RHOU: variants seen among roughly 807,000 people sequenced by gnomAD.
The protein encoded by RHOU is rho-related GTP-binding protein RhoU.
Under a neutral mutation model 12.6 loss-of-function variants are expected in RHOU, and 8 were observed. The observed-to-expected ratio is 0.64, with a 90% CI of 0.37 to 1.15. The LOEUF (loss-of-function observed/expected upper bound fraction) is 1.15. Among genes scored for constraint, RHOU ranks in the 50% most tolerant of loss-of-function variants. The pLI is 0.01. For missense variants in RHOU, 258 were observed against 347.0 expected, an observed-to-expected ratio of 0.74 and a Z score of 2.04; for synonymous variants, 161 against 147.4, an observed-to-expected ratio of 1.09 and a Z score of -0.67.
At chr1:228,659,959 A>C in the RHOU span, among the ~76,000 whole-genome samples, 1 of 106,700 alleles carries the variant, frequency 9.4e-6, no homozygotes. Flanking sequence ...TCTCTACAAA[A>C]AAAAAACAAA....
At chr1:228,678,433 T>G in the RHOU span, among the ~76,000 whole-genome samples, 1 of 152,198 alleles carries the variant, frequency 6.6e-6, no homozygotes, top group Non-Finnish European at 1.5e-5. Context: ...GAAGGCTAGC[T>G]GCTTCTTTAG....
the RHOU span, among the ~76,000 whole-genome samples, chr1:228,668,536 G>A: frequency 2.6e-5 from 4 of 152,190 alleles, no homozygotes; most frequent in African/African-American, 9.7e-5. Flanking sequence ...GAAATGGTCG[G>A]TGAGGGCAAA....
chr1:228,743,658 C>T lies in RHOU; in HGVS notation c.695C>T (p.Pro232Leu). The T allele has an allele frequency of 6.2e-7, 1 of 1,614,138 alleles. No individual in the cohort carries two copies. Among genetic ancestry groups the T allele is most frequent in the Non-Finnish European group, 8.5e-7 (1 of 1,180,038 alleles). Residue 232 changes from proline (P) to leucine (L), a missense_variant, in exon 3 of 3, where the codon CCA (proline) becomes CTA (leucine). By Grantham distance (98) the Pro-to-Leu change is moderately conservative. Transcript: ENST00000366691. This position sits in a 1 kb window ranked among gnomAD's most constrained non-coding sequence, Gnocchi z 5.1. Reference protein sequence around the residue: ...GIQYSDTQQQPKKSKSRTPDK... With the variant: ...GIQYSDTQQQLKKSKSRTPDK... ...CAATACTCGGACACTCAGCAACAGC[C>T]AAAGAAGTCTAAAAGCAGGACTCCA...
At chr1:228,668,088 C>A in the RHOU span, among the ~76,000 whole-genome samples, 1 of 152,106 alleles carries the variant, frequency 6.6e-6, no homozygotes, top group Non-Finnish European at 1.5e-5. Flanking sequence ...TCAATCATAC[C>A]TATGTAATGG....
the RHOU span, among the ~76,000 whole-genome samples, chr1:228,683,638 A>T: frequency 0.02 from 3,079 of 152,354 alleles, 106 homozygotes; most frequent in African/African-American, 0.07. Flanking sequence ...AGCATAATTT[A>T]AAAAATTTCT....
Position 228,743,476 on chromosome 1 carries a change from C to G in RHOU, c.513C>G (p.Val171=), listed in dbSNP as rs1483542798. The change falls in exon 3 of 3, where the codon GTC becomes GTG. Residue 171 remains valine (V), a synonymous_variant. Transcript: ENST00000366691. This position sits in a 1 kb window ranked among gnomAD's most constrained non-coding sequence, Gnocchi z 5.1. The part of the protein sequence containing the change: ...TQSDLREDVK[V]LIELDKCKEK... ...CGGATCTCAGAGAAGATGTCAAAGT[C>G]CTCATTGAGTTGGACAAATGCAAAG... 7 of 1,614,168 alleles carry G rather than the reference C, an allele frequency of 4.3e-6. No homozygotes were observed. The South Asian group carries it at 7.7e-5, about 18-fold the overall frequency.
At chr1:228,713,323 G>T in the RHOU span, among the ~76,000 whole-genome samples, 1 of 152,134 alleles carries the variant, frequency 6.6e-6, no homozygotes, top group Non-Finnish European at 1.5e-5. Context: ...ATGTAATAAA[G>T]CCTCCATAAA....
chr1:228,710,098 G>A, the RHOU span, among the ~76,000 whole-genome samples: 7 of 152,160 alleles, frequency 4.6e-5, no homozygotes, highest in African/African-American at 1.7e-4. Context: ...CACTCTCCCA[G>A]GACTAAACCA....
At chr1:228,660,418 T>C in the RHOU span, among the ~76,000 whole-genome samples, 1 of 151,718 alleles carries the variant, frequency 6.6e-6, no homozygotes, top group South Asian at 2.1e-4. Flanking sequence ...ATATTAATCC[T>C]TCTTAATCCC....
intron 2 of RHOU, among the ~76,000 whole-genome samples, chr1:228,742,703 CT>C (rs1662748887): frequency 6.6e-6 from 1 of 152,182 alleles, no homozygotes; most frequent in Non-Finnish European, 1.5e-5. Flanking sequence ...GGCCTTGAGT[CT>C]GATTAGCATT....
At chr1:228,699,708 C>T in the RHOU span, among the ~76,000 whole-genome samples, 13 of 142,844 alleles carry the variant, frequency 9.1e-5, no homozygotes, top group Non-Finnish European at 1.6e-4. Context: ...TGTTTTATAA[C>T]GTGTCTAGTG....
the RHOU span, among the ~76,000 whole-genome samples, chr1:228,724,723 TC>T: frequency 6.6e-6 from 1 of 152,240 alleles, no homozygotes. Context: ...AACTTATTCC[TC>T]CTGCCTAATT....
chr1:228,668,535 G>A, the RHOU span, among the ~76,000 whole-genome samples: 7 of 152,134 alleles, frequency 4.6e-5, no homozygotes, highest in African/African-American at 1.4e-4. Context: ...AGAAATGGTC[G>A]GTGAGGGCAA....
At chr1:228,664,968 C>T in the RHOU span, among the ~76,000 whole-genome samples, 1 of 152,116 alleles carries the variant, frequency 6.6e-6, no homozygotes, top group African/African-American at 2.4e-5. Flanking sequence ...GCTTTATTAA[C>T]TAACATTTGT....
the RHOU span, among the ~76,000 whole-genome samples, chr1:228,726,490 C>T: frequency 6.6e-6 from 1 of 152,064 alleles, no homozygotes; most frequent in Non-Finnish European, 1.5e-5. Flanking sequence ...CATGGTGAAA[C>T]CCCGTCCGTA....
At chr1:228,736,812 CACTT>C (rs1195589657) in intron 1 of RHOU, among the ~76,000 whole-genome samples, 4 of 151,642 alleles carry the variant, frequency 2.6e-5, no homozygotes, top group African/African-American at 9.7e-5. Context: ...TAGTATGAAA[CACTT>C]AACTGTCTTG....
the RHOU span, among the ~76,000 whole-genome samples, chr1:228,715,459 A>C: frequency 6.6e-6 from 1 of 152,056 alleles, no homozygotes; most frequent in Non-Finnish European, 1.5e-5. Flanking sequence ...GTTTTATTAC[A>C]CTGTGAACAA....
chr1:228,666,160 A>C, the RHOU span, among the ~76,000 whole-genome samples: 1 of 152,132 alleles, frequency 6.6e-6, no homozygotes, highest in Non-Finnish European at 1.5e-5. Flanking sequence ...GGGTTTCACC[A>C]TGTTGGCCAG....
chr1:228,701,449 A>C, the RHOU span, among the ~76,000 whole-genome samples: 2 of 152,110 alleles, frequency 1.3e-5, no homozygotes, highest in Admixed American at 1.3e-4. Flanking sequence ...ATTTTTTTTG[A>C]GATGTCTCTA....
Sources: gnomAD v4.1 joint callset for allele counts (sites outside exome capture counted in the v4.1 genomes callset) on GRCh38, gnomAD v4.1.1 for gene constraint, Gnocchi (gnomAD v3.1) non-coding constraint, MANE v1.5 for transcripts, NCBI Gene and HGNC (gene_info 2026-07-23, HGNC 2026-07-21) for gene names.